Variants in MYT1L observed in about 807,000 individuals in gnomAD.
MYT1L encodes myelin transcription factor 1 like.
Under a neutral mutation model 126.7 loss-of-function variants are expected in MYT1L, and 12 were observed. That is an observed-to-expected ratio of 0.09 (90% confidence interval 0.06 to 0.15). MYT1L has a LOEUF of 0.15. MYT1L is among the 10% of genes least tolerant of loss of function. The probability of loss-of-function intolerance (pLI) is 1.00; values close to 1 mark genes in which losing one functional copy is unlikely to be tolerated. For missense variants in MYT1L, 979 were observed against 1,585.2 expected (o/e 0.62, Z 6.49); for synonymous variants, 541 against 604.2 (o/e 0.90, Z 1.53).
chr2:1,874,782 T>G (rs749653121), intron 18 of MYT1L, among the ~76,000 whole-genome samples: 7 of 152,206 alleles, frequency 4.6e-5, no homozygotes, highest in Non-Finnish European at 2.9e-5. Flanking sequence ...GCTGTCCTCA[T>G]GGAAAGGTGA....
intron 21 of MYT1L, chr2:1,825,293 TG>T (rs61683753): frequency 0.035 from 5,353 of 152,118 alleles, 314 homozygotes; most frequent in African/African-American, 0.12. Flanking sequence ...GGGATGAAGA[TG>T]GGGGGGAGGC....
chr2:1,934,123 C>A lies in MYT1L; in HGVS notation c.505+8859G>T, dbSNP rs566793773. Among the ~76,000 whole-genome samples the A allele has an allele frequency of 2.8e-5, 4 of 142,208 alleles. No individual in the cohort carries two copies. The East Asian group carries it at 7.9e-4, about 28-fold the overall frequency. The allele number at this position is 142,208 out of a possible 152,430, so 93.3% of individuals were successfully genotyped here. A position where few individuals can be genotyped will look rare whatever the true frequency, so the allele number is the denominator to read the frequency against. Reference sequence around the variant, plus strand: ...TGGAGTAGCTGGGACTACAGGCACCCGCCACCACGCCTGGCTAATTTTTTG... The same window carrying A: ...TGGAGTAGCTGGGACTACAGGCACCAGCCACCACGCCTGGCTAATTTTTTG... On this transcript the variant is annotated intron_variant, in intron 9 of 24. Transcript: ENST00000647738.
rs537980243 is a variant in MYT1L at position 1,910,037 on chromosome 2, A to G, written c.1817+203T>C. On this transcript the variant is annotated intron_variant, in intron 13 of 24. Coordinates refer to ENST00000647738, the MANE Select transcript of MYT1L (RefSeq NM_001303052.2). This position sits in a 1 kb window ranked among gnomAD's most constrained non-coding sequence, Gnocchi z 4.8. ...GTAAATTGTCACAGCGAATCCGCAG[A>G]CACCAGGGGAAGAATGACACCCTTG... Among the ~76,000 whole-genome samples the G allele has an allele frequency of 6.6e-6, 1 of 152,328 alleles. No homozygotes were observed. Among genetic ancestry groups the G allele is most frequent in the Non-Finnish European group, 1.5e-5 (1 of 68,034 alleles).
At chr2:2,014,840 G>C (rs1203942881) in intron 4 of MYT1L, among the ~76,000 whole-genome samples, 1 of 152,228 alleles carries the variant, frequency 6.6e-6, no homozygotes, top group African/African-American at 2.4e-5. Flanking sequence ...CCCCTTAAGA[G>C]GGGTGCTATC....
chr2:2,207,644 C>A (rs540624324), intron 2 of MYT1L, among the ~76,000 whole-genome samples: 8 of 152,302 alleles, frequency 5.3e-5, no homozygotes, highest in African/African-American at 1.4e-4. Flanking sequence ...TAACTGTTGA[C>A]AATTATTCTA....
At position 2,075,959 on chromosome 2, in the gene MYT1L, A is replaced by T. The variant is rs533008044; in HGVS notation, c.-303-21836T>A. ...AAGAATTGATGGGTTTTGGAGTTCC[A>T]TTAAAAGCACTGTCCTCAGAGCACA... On this transcript the variant is annotated intron_variant, in intron 3 of 24. Coordinates refer to ENST00000647738, the MANE Select transcript of MYT1L (RefSeq NM_001303052.2). Among the ~76,000 whole-genome samples, 5 of 152,358 alleles carry T rather than the reference A, an allele frequency of 3.3e-5. No individual in the cohort carries two copies. The East Asian group carries it at 9.6e-4, about 29-fold the overall frequency.
rs971590857 is a variant in MYT1L at position 1,839,519 on chromosome 2, A to G, written c.2859-149T>C. The G allele has an allele frequency of 1.6e-5, 11 of 697,774 alleles. No individual in the cohort carries two copies. In the African/African-American group the frequency reaches 1.8e-4, roughly 11 times the overall value. The allele number at this position is 697,774 out of a possible 1,614,324, so 43.2% of individuals were successfully genotyped here. A position where few individuals can be genotyped will look rare whatever the true frequency, so the allele number is the denominator to read the frequency against. On this transcript the variant is annotated intron_variant, in intron 20 of 24. Coordinates refer to ENST00000647738, the MANE Select transcript of MYT1L (RefSeq NM_001303052.2). The stretch of plus-strand genomic sequence containing the variant: ...AAAGGAAAAGAAAAAAGAGAAAGAA[A>G]GAAAAGTCACTAAAAGACACCACCT...
chr2:2,143,765 T>C (rs1575465017), intron 3 of MYT1L, among the ~76,000 whole-genome samples: 1 of 152,194 alleles, frequency 6.6e-6, no homozygotes, highest in East Asian at 1.9e-4. Context: ...CATGTTGACA[T>C]GGAATACTAT....
chr2:2,267,426 G>A (rs1249145691), intron 2 of MYT1L, among the ~76,000 whole-genome samples: 1 of 152,158 alleles, frequency 6.6e-6, no homozygotes, highest in Non-Finnish European at 1.5e-5. Context: ...CAAAGTGCAC[G>A]CTTTAGTATG....
At chr2:1,980,397 A>T (rs1053897947) in intron 5 of MYT1L, among the ~76,000 whole-genome samples, 6 of 151,442 alleles carry the variant, frequency 4.0e-5, no homozygotes, top group Admixed American at 1.3e-4. Context: ...AGCGGTTAAG[A>T]CAAGAGGCTG....
intron 3 of MYT1L, among the ~76,000 whole-genome samples, chr2:2,136,170 C>A (rs1373351369): frequency 6.6e-6 from 1 of 152,168 alleles, no homozygotes; most frequent in African/African-American, 2.4e-5. Context: ...TTCCTCCAGT[C>A]TGTGACTCTG....
intron 18 of MYT1L, among the ~76,000 whole-genome samples, chr2:1,857,862 A>AT (rs59356359): frequency 2.9e-3 from 424 of 147,096 alleles, no homozygotes; most frequent in Non-Finnish European, 3.3e-3. Flanking sequence ...ACATATTACT[A>AT]TTTTTTTTTT....
At chr2:1,968,061 T>C (rs974115220) in intron 8 of MYT1L, among the ~76,000 whole-genome samples, 4 of 152,146 alleles carry the variant, frequency 2.6e-5, no homozygotes, top group African/African-American at 9.7e-5. Context: ...TCCACCCACC[T>C]GGCAAGGAGT....
intron 2 of MYT1L, among the ~76,000 whole-genome samples, chr2:2,185,901 C>CTCCCCGAG (rs2092102252): frequency 6.3e-5 from 8 of 125,988 alleles, no homozygotes; most frequent in African/African-American, 2.7e-4. Context: ...GCAGCCGGGC[C>CTCCCCGAG]TTCCGGGCCT....
intron 4 of MYT1L, among the ~76,000 whole-genome samples, chr2:2,007,523 G>T (rs1342335188): frequency 6.6e-6 from 1 of 152,192 alleles, no homozygotes; most frequent in Non-Finnish European, 1.5e-5. Flanking sequence ...CATAAGATAA[G>T]GTGAATGAGG....
chr2:1,984,415 T>A (rs2060846267), intron 5 of MYT1L, among the ~76,000 whole-genome samples: 1 of 152,174 alleles, frequency 6.6e-6, no homozygotes, highest in South Asian at 2.1e-4. Context: ...CAGGCTGGTC[T>A]TGAACTCCTG....
chr2:2,114,851 C>G (rs537249700), intron 3 of MYT1L, among the ~76,000 whole-genome samples: 8 of 152,312 alleles, frequency 5.3e-5, no homozygotes, highest in African/African-American at 1.9e-4. Flanking sequence ...TCCGTCATCA[C>G]GTGCATAAAT....
intron 2 of MYT1L, among the ~76,000 whole-genome samples, chr2:2,222,010 G>C (rs1005983410): frequency 2.0e-5 from 3 of 152,144 alleles, no homozygotes; most frequent in African/African-American, 7.2e-5. Flanking sequence ...CTGTCAGCTA[G>C]GTAAACACCA....
intron 24 of MYT1L, 115 bp from the exon 25 acceptor site, chr2:1,792,122 G>C: frequency 8.4e-7 from 1 of 1,185,772 alleles, no homozygotes; most frequent in Non-Finnish European, 1.1e-6. Flanking sequence ...TATTTCAAAG[G>C]CCGGCTCAGA....
Sources: gnomAD v4.1 joint callset for allele counts (sites outside exome capture counted in the v4.1 genomes callset) on GRCh38, gnomAD v4.1.1 for gene constraint, Gnocchi (gnomAD v3.1) non-coding constraint, MANE v1.5 for transcripts, NCBI Gene and HGNC (gene_info 2026-07-23, HGNC 2026-07-21) for gene names.